COL6A1: variants seen among roughly 807,000 people sequenced by gnomAD.
The protein encoded by COL6A1 is collagen type VI alpha 1 chain.
Under a neutral mutation model 145.6 loss-of-function variants are expected in COL6A1, and 80 were observed. The ratio of observed to expected loss-of-function variants is 0.55; its 90% confidence interval spans 0.46 to 0.66. The LOEUF is 0.66. Ranked by LOEUF, COL6A1 falls within the 30% of genes least tolerant of loss-of-function variation. COL6A1 has a pLI of 0.00. For synonymous variants in COL6A1, 638 were observed against 622.8 expected (o/e 1.02, Z -0.36); for missense variants, 1,364 against 1,473.8 (o/e 0.93, Z 1.22).
intron 33 of COL6A1, among the ~76,000 whole-genome samples, 161 bp downstream of exon 33, chr21:46,002,871 G>T (rs1350868407): frequency 6.6e-6 from 1 of 151,806 alleles, no homozygotes; most frequent in East Asian, 1.9e-4. Flanking sequence ...GATCTGTGTA[G>T]GTGCGCGCAG....
chr21:45,989,536 G>T, intron 9 of COL6A1, 72 bp from the exon 10 acceptor site: 1 of 1,477,384 alleles, frequency 6.8e-7, no homozygotes, highest in Non-Finnish European at 9.4e-7. Context: ...AGGGAGGGGT[G>T]TGGGGCTGGG....
chr21:45,999,443 G>A, intron 26 of COL6A1: 1 of 740,936 alleles, frequency 1.3e-6, no homozygotes. Context: ...TCCTCAGGGT[G>A]GGGCCCACCT....
At chr21:45,989,888 C>A in intron 11 of COL6A1, 110 bp downstream of exon 11, 1 of 1,401,574 alleles carries the variant, frequency 7.1e-7, no homozygotes, top group Admixed American at 1.7e-5. Context: ...ACCACGTGTC[C>A]TGCAGACCCG....
chr21:46,003,041 C>G (rs1022754267), intron 33 of COL6A1, 79 bp from the exon 34 acceptor site: 1 of 1,604,398 alleles, frequency 6.2e-7, no homozygotes, highest in Non-Finnish European at 8.5e-7. Context: ...TGTGCTCGGC[C>G]GGGAGGTCCT....
chr21:45,983,333 G>T (rs971861529), intron 2 of COL6A1, among the ~76,000 whole-genome samples: 1 of 151,028 alleles, frequency 6.6e-6, no homozygotes, highest in Non-Finnish European at 1.5e-5. Flanking sequence ...CCATCTGTGC[G>T]TGTGGCTGAG....
chr21:46,000,231 G>T (rs572881236), intron 27 of COL6A1, 100 bp from the exon 28 acceptor site: 22 of 1,442,400 alleles, frequency 1.5e-5, no homozygotes, highest in Admixed American at 1.3e-4. Flanking sequence ...ACCCCGCCCT[G>T]TGGGGGCCCC....
chr21:45,987,029 A>G lies in COL6A1; in HGVS notation c.674A>G (p.Glu225Gly). 1 of 1,551,992 alleles carries G rather than the reference A, an allele frequency of 6.4e-7. No homozygotes were observed. The highest frequency in any genetic ancestry group is 1.4e-5 in the African/African-American group (1 of 73,264). ...AADWGQSRDAEEAISQTIDTI... is the reference protein window; with the variant it reads ...AADWGQSRDAGEAISQTIDTI... Reference sequence around the variant, plus strand: ...GACTGGGGCCAGAGCCGCGACGCAGAGGAGGCCATCAGCCAGACCATCGAC... The same window carrying G: ...GACTGGGGCCAGAGCCGCGACGCAGGGGAGGCCATCAGCCAGACCATCGAC... The change falls in exon 5 of 35, where the codon GAG becomes GGG. Residue 225 changes from glutamate to glycine, a missense_variant. Glu to Gly is a moderately conservative substitution (Grantham distance 98). Transcript: ENST00000361866.
At chr21:45,998,350 C>T (rs906856933) in intron 23 of COL6A1, 48 bp from the exon 24 acceptor site, 11 of 1,611,812 alleles carry the variant, frequency 6.8e-6, no homozygotes, top group Non-Finnish European at 9.3e-6. Flanking sequence ...TCACAGCCTC[C>T]CCTCTCAAAT....
At chr21:45,992,520 G>A (rs1442086071) in intron 18 of COL6A1, 122 bp downstream of exon 18, 31 of 1,266,414 alleles carry the variant, frequency 2.4e-5, no homozygotes, top group Non-Finnish European at 3.4e-5. Context: ...AGACAAATGG[G>A]TTTCTTCACC....
intron 20 of COL6A1, among the ~76,000 whole-genome samples, chr21:45,997,052 C>T (rs1428412238): frequency 3.3e-5 from 5 of 152,076 alleles, no homozygotes; most frequent in African/African-American, 4.8e-5. Flanking sequence ...CTCACCCCTC[C>T]GTGGGGACCT....
At chr21:45,989,847 C>T (rs1202889189) in intron 11 of COL6A1, 69 bp downstream of exon 11, 1 of 1,594,884 alleles carries the variant, frequency 6.3e-7, no homozygotes, top group East Asian at 2.2e-5. Flanking sequence ...GAGGGTGTCC[C>T]CGGGGATGAG....
At chr21:46,001,432 G>A (rs539303602) in intron 30 of COL6A1, 46 bp downstream of exon 30, 37 of 1,600,102 alleles carry the variant, frequency 2.3e-5, no homozygotes, top group Middle Eastern at 1.7e-4. Context: ...GGTGCACCCC[G>A]ACCCTGCCGG....
intron 28 of COL6A1, 150 bp from the exon 29 acceptor site, chr21:46,000,609 G>A: frequency 7.4e-7 from 1 of 1,344,702 alleles, no homozygotes; most frequent in Non-Finnish European, 1.1e-6. Flanking sequence ...CGGGGAGGCG[G>A]GGAGGCGGGG....
At chr21:45,985,247 C>T (rs2077732567) in intron 3 of COL6A1, among the ~76,000 whole-genome samples, 1 of 149,680 alleles carries the variant, frequency 6.7e-6, no homozygotes, top group African/African-American at 2.5e-5. Flanking sequence ...GGGACAGAGA[C>T]AGAGACAGAA....
At chr21:45,982,788 C>T in intron 2 of COL6A1, 25 bp downstream of exon 2, 1 of 1,610,254 alleles carries the variant, frequency 6.2e-7, no homozygotes, top group Non-Finnish European at 8.5e-7. Flanking sequence ...CCGTGACCTT[C>T]CTCCTGTGCT....
Position 45,990,365 on chromosome 21 carries a change from TC to T in COL6A1, c.958-10del. 6.8e-7 allele frequency: 1 copy of T among 1,472,344 alleles called. No homozygotes were observed. The highest frequency in any genetic ancestry group is 9.1e-7 in the Non-Finnish European group (1 of 1,097,180). 91.2% of individuals were successfully genotyped at this position (1,472,344 alleles called of 1,614,324 possible). On this transcript the variant is annotated splice_polypyrimidine_tract_variant and intron_variant, in intron 12 of 34. Transcript: ENST00000361866. Reference sequence around the variant, plus strand: ...CTGCATCTGACTCCTGCCTTCGTTTTCCCGCCTCACAGGGAGAGAAGGGCAA... The same window carrying T: ...CTGCATCTGACTCCTGCCTTCGTTTTCCGCCTCACAGGGAGAGAAGGGCAA...
rs751012244 is a variant in COL6A1, at chr21:45,984,468, G to A, written c.427G>A (p.Gly143Arg). Residue 143 changes from glycine to arginine, a missense_variant and splice_region_variant, in exon 3 of 35, where the codon GGG becomes AGG. Gly to Arg is a moderately radical substitution (Grantham distance 125). Around this residue, in one of 3 missense-constraint regions of COL6A1, gnomAD observed 414 missense variants for 437.6 expected, o/e 0.95. Coordinates refer to ENST00000361866, the MANE Select transcript of COL6A1 (RefSeq NM_001848.3). ...IKKGLEQLLVGGSHLKENKYL... is the reference protein window; with the variant it reads ...IKKGLEQLLVRGSHLKENKYL... Reference sequence around the variant, plus strand: ...GAAGGGGCTGGAGCAGCTCCTCGTGGGGTGAGTGGCCCCCAGCCTCCTGCC... The same window carrying A: ...GAAGGGGCTGGAGCAGCTCCTCGTGAGGTGAGTGGCCCCCAGCCTCCTGCC... 1 of 1,609,360 alleles carries A rather than the reference G, an allele frequency of 6.2e-7. No individual in the cohort carries two copies. Among genetic ancestry groups the A allele is most frequent in the Non-Finnish European group, 8.5e-7 (1 of 1,179,814 alleles).
chr21:45,993,369 G>A (rs2077787406), intron 19 of COL6A1, among the ~76,000 whole-genome samples: 1 of 152,214 alleles, frequency 6.6e-6, no homozygotes, highest in Non-Finnish European at 1.5e-5. Context: ...TGCTGGATGT[G>A]GGGCGGGGCA....
In COL6A1 at chr21:45,998,161, C is replaced by T; in HGVS notation, c.1565C>T (p.Pro522Leu). ...GCTGGAAATGGCACCGAGGGCTTCC[C>T]CGGCTTCCCCGTAAGTGTCCGGAGG... The part of the protein sequence containing the change: ...GPAGNGTEGF[P>L]GFPGYPGNRG... Residue 522 changes from proline (P) to leucine (L), a missense_variant, in exon 23 of 35, where the codon CCC (proline) becomes CTC (leucine). Transcript: ENST00000361866. 6.2e-7 allele frequency: 1 copy of T among 1,612,254 alleles called. No homozygotes were observed. The highest frequency in any genetic ancestry group is 8.5e-7 in the Non-Finnish European group (1 of 1,179,704).
Sources: allele counts gnomAD v4.1 joint callset (sites outside exome capture counted in the v4.1 genomes callset), GRCh38; gene constraint gnomAD v4.1.1; regional missense constraint gnomAD v4.1.1; transcripts MANE v1.5; gene names NCBI Gene and HGNC (gene_info 2026-07-23, HGNC 2026-07-21).